RNGTT: variants seen among roughly 807,000 people sequenced by gnomAD.
RNGTT encodes the protein mRNA-capping enzyme.
Under a neutral mutation model 79.3 loss-of-function variants are expected in RNGTT, and 33 were observed. The ratio of observed to expected loss-of-function variants is 0.42; its 90% CI spans 0.32 to 0.56. The LOEUF is 0.56. RNGTT is among the 20% of genes least tolerant of loss of function. The pLI is 0.17. For synonymous variants in RNGTT, 222 were observed against 235.9 expected, an observed-to-expected ratio of 0.94 and a Z score of 0.54; for missense variants, 497 against 739.1, an observed-to-expected ratio of 0.67 and a Z score of 3.80.
chr6:88,758,860 A>C (rs929095864), intron 13 of RNGTT, among the ~76,000 whole-genome samples: 3 of 151,892 alleles, frequency 2.0e-5, no homozygotes, highest in African/African-American at 7.3e-5. Context: ...TTTTTTATTT[A>C]TTTTTGCTGT....
At chr6:88,782,349 T>C (rs1461148930) in intron 12 of RNGTT, among the ~76,000 whole-genome samples, 2 of 151,948 alleles carry the variant, frequency 1.3e-5, no homozygotes, top group South Asian at 2.1e-4. Context: ...AACTACCACA[T>C]TGTACGGGGT....
chr6:88,707,664 A>G (rs1776175996), intron 13 of RNGTT, among the ~76,000 whole-genome samples: 1 of 151,650 alleles, frequency 6.6e-6, no homozygotes, highest in Admixed American at 6.6e-5. Context: ...CACTATGCAT[A>G]AAGTAGCCTT....
At chr6:88,635,052 T>C (rs185881096) in intron 14 of RNGTT, among the ~76,000 whole-genome samples, 1 of 151,978 alleles carries the variant, frequency 6.6e-6, no homozygotes, top group Non-Finnish European at 1.5e-5. Flanking sequence ...TACATTTGAG[T>C]AGTGGTTTGC....
chr6:88,713,467 T>A (rs760151976), intron 13 of RNGTT, among the ~76,000 whole-genome samples: 13 of 152,270 alleles, frequency 8.5e-5, no homozygotes, highest in Non-Finnish European at 1.6e-4. Flanking sequence ...GAAATGAAAA[T>A]TAAATAAGCC....
intron 11 of RNGTT, 94 bp downstream of exon 11, chr6:88,844,263 A>G (rs1471402036): frequency 8.1e-7 from 1 of 1,227,458 alleles, no homozygotes; most frequent in Admixed American, 2.3e-5. Context: ...GACAAAGTCA[A>G]GACAACTGGG....
At chr6:88,837,640 G>A (rs1263154083) in intron 11 of RNGTT, among the ~76,000 whole-genome samples, 2 of 151,714 alleles carry the variant, frequency 1.3e-5, no homozygotes, top group African/African-American at 2.4e-5. Flanking sequence ...CTTATCCCAG[G>A]AATGAGAGAA....
intron 10 of RNGTT, 90 bp downstream of exon 10, chr6:88,849,665 A>T: frequency 8.4e-7 from 1 of 1,188,836 alleles, no homozygotes; most frequent in South Asian, 2.3e-5. Context: ...TTTCTTTCCT[A>T]CTATCTCTAA....
chr6:88,746,392 C>T (rs73496481), intron 13 of RNGTT, among the ~76,000 whole-genome samples: 3,535 of 152,238 alleles, frequency 0.023, 157 homozygotes, highest in African/African-American at 0.079. Context: ...CAAGTATATG[C>T]TTTAAATTAT....
At chr6:88,827,340 G>T (rs1253567763) in intron 11 of RNGTT, among the ~76,000 whole-genome samples, 1 of 152,204 alleles carries the variant, frequency 6.6e-6, no homozygotes, top group East Asian at 1.9e-4. Flanking sequence ...TGTGCCATGA[G>T]GGACAGTGCA....
intron 14 of RNGTT, among the ~76,000 whole-genome samples, chr6:88,669,219 A>C (rs1774534690): frequency 6.6e-6 from 1 of 152,196 alleles, no homozygotes; most frequent in Admixed American, 6.5e-5. Context: ...ATGATGAACT[A>C]AATGTGCCAA....
intron 12 of RNGTT, among the ~76,000 whole-genome samples, chr6:88,771,957 A>G (rs1778698305): frequency 6.6e-6 from 1 of 152,108 alleles, no homozygotes; most frequent in Non-Finnish European, 1.5e-5. Context: ...GTGTGAGGAC[A>G]GCTTGAGCCC....
chr6:88,733,078 G>A (rs753441941), intron 13 of RNGTT, among the ~76,000 whole-genome samples: 11 of 152,192 alleles, frequency 7.2e-5, no homozygotes, highest in Non-Finnish European at 1.6e-4. Flanking sequence ...ACAGAACTTG[G>A]CAGGGTGCAG....
chr6:88,892,006 A>C (rs1276497296), intron 6 of RNGTT, 91 bp from the exon 7 acceptor site: 3 of 876,968 alleles, frequency 3.4e-6, no homozygotes, highest in Non-Finnish European at 5.0e-6. Context: ...GAGATAAATT[A>C]GTTTGTTCTC....
intron 8 of RNGTT, among the ~76,000 whole-genome samples, chr6:88,865,539 A>T (rs1666021687): frequency 6.6e-6 from 1 of 152,128 alleles, no homozygotes; most frequent in African/African-American, 2.4e-5. Context: ...CAAACATATA[A>T]ACATATTTAC....
At chr6:88,913,359 T>C (rs1357770808) in intron 4 of RNGTT, among the ~76,000 whole-genome samples, 1 of 152,012 alleles carries the variant, frequency 6.6e-6, no homozygotes, top group African/African-American at 2.4e-5. Flanking sequence ...TAACTCATTC[T>C]ACAAAACCAA....
chr6:88,913,998 C>T (rs1783917596), intron 4 of RNGTT, among the ~76,000 whole-genome samples: 1 of 152,052 alleles, frequency 6.6e-6, no homozygotes, highest in Non-Finnish European at 1.5e-5. Flanking sequence ...TGATGTTCAA[C>T]CTGAGAGCCA....
intron 13 of RNGTT, among the ~76,000 whole-genome samples, chr6:88,723,693 ATAT>A (rs1205198688): frequency 6.6e-6 from 1 of 152,162 alleles, no homozygotes; most frequent in Admixed American, 6.5e-5. Context: ...AAGAAAGAAA[ATAT>A]TTTTATACAG....
intron 6 of RNGTT, among the ~76,000 whole-genome samples, chr6:88,901,067 G>A (rs148459513): frequency 9.3e-5 from 14 of 151,218 alleles, no homozygotes; most frequent in Non-Finnish European, 1.0e-4. Context: ...GCTTGAACCC[G>A]GGAGGCAGAG....
In RNGTT at chr6:88,736,948, T is replaced by C. The variant is rs148498688; in HGVS notation, c.1439+32826A>G. On this transcript the variant is annotated intron_variant, in intron 13 of 15. Coordinates refer to ENST00000369485, the MANE Select transcript of RNGTT (RefSeq NM_003800.5). ...TAAAGGGCAAGGATGATTTCCTTCATGGTTTCAACAAGCTAGGTTATTGCT... is the reference window on the plus strand; with the variant it reads ...TAAAGGGCAAGGATGATTTCCTTCACGGTTTCAACAAGCTAGGTTATTGCT... 2.1e-3 allele frequency among the ~76,000 whole-genome samples: 314 copies of C among 152,280 alleles called. 2 individuals carry two copies. The highest frequency in any genetic ancestry group is 7.4e-3 in the African/African-American group (306 of 41,568).
Sources: allele counts gnomAD v4.1 joint callset (sites outside exome capture counted in the v4.1 genomes callset), GRCh38; gene constraint gnomAD v4.1.1; transcripts MANE v1.5; gene names NCBI Gene and HGNC (gene_info 2026-07-23, HGNC 2026-07-21).